Variants in SND1 observed in about 807,000 individuals in gnomAD.
The protein encoded by SND1 is staphylococcal nuclease and tudor domain containing 1.
A neutral mutation model predicts 121.7 loss-of-function variants in SND1; 38 were observed. That is an observed-to-expected ratio of 0.31 (90% CI 0.24 to 0.41). The LOEUF (loss-of-function observed/expected upper bound fraction) is 0.41, where lower values mean the gene tolerates loss of function less well. SND1 is among the 10% of genes least tolerant of loss of function. SND1 has a pLI of 1.00. For missense variants in SND1, 868 were observed against 1,184.6 expected (o/e 0.73, Z 3.92); for synonymous variants, 401 against 447.4 (o/e 0.90, Z 1.31).
intron 10 of SND1, among the ~76,000 whole-genome samples, chr7:127,737,059 A>G (rs1210172446): frequency 6.6e-6 from 1 of 151,812 alleles, no homozygotes; most frequent in Non-Finnish European, 1.5e-5. Flanking sequence ...AAGTAAGTGT[A>G]TGTAAAGCAA....
At chr7:128,022,399 G>A (rs1236695339) in intron 16 of SND1, among the ~76,000 whole-genome samples, 1 of 152,168 alleles carries the variant, frequency 6.6e-6, no homozygotes, top group East Asian at 1.9e-4. Flanking sequence ...CCTAGCTTGA[G>A]AGTAGCCTCT....
chr7:127,684,717 T>C (rs913217898), intron 1 of SND1, among the ~76,000 whole-genome samples: 1 of 152,164 alleles, frequency 6.6e-6, no homozygotes, highest in Non-Finnish European at 1.5e-5. Flanking sequence ...GTTTAATTGC[T>C]GATAACAGGA....
chr7:127,660,029 A>G (rs1024480404), intron 1 of SND1, among the ~76,000 whole-genome samples: 28 of 116,322 alleles, frequency 2.4e-4, no homozygotes, highest in African/African-American at 1.1e-3. Flanking sequence ...TTTTTTTCTA[A>G]TCTTTAGTTT....
chr7:128,078,914 G>T (rs1258526413), intron 17 of SND1, among the ~76,000 whole-genome samples: 1 of 152,222 alleles, frequency 6.6e-6, no homozygotes, highest in African/African-American at 2.4e-5. Context: ...GCAGGAAGAG[G>T]GAAGAGCACC....
intron 11 of SND1, among the ~76,000 whole-genome samples, chr7:127,840,520 T>C (rs896253848): frequency 3.9e-5 from 6 of 152,228 alleles, no homozygotes; most frequent in Non-Finnish European, 8.8e-5. Context: ...TCTATATTAA[T>C]CAGTTTCTTC....
At chr7:128,084,459 G>A (rs1490581571) in intron 18 of SND1, among the ~76,000 whole-genome samples, 1 of 152,248 alleles carries the variant, frequency 6.6e-6, no homozygotes, top group Non-Finnish European at 1.5e-5. Flanking sequence ...CCAGCAGACT[G>A]GAGAGCTGAG....
chr7:127,987,239 C>T (rs892317438), intron 15 of SND1, among the ~76,000 whole-genome samples: 2 of 152,240 alleles, frequency 1.3e-5, no homozygotes, highest in African/African-American at 4.8e-5. Flanking sequence ...TGAGCATCAG[C>T]AGCCTTGGGT....
intron 9 of SND1, among the ~76,000 whole-genome samples, chr7:127,712,740 T>C (rs1796318451): frequency 6.6e-6 from 1 of 152,202 alleles, no homozygotes; most frequent in African/African-American, 2.4e-5. Flanking sequence ...CATTATCTTC[T>C]TCCTTTTGGG....
intron 10 of SND1, among the ~76,000 whole-genome samples, chr7:127,804,890 T>C (rs1798204723): frequency 6.6e-6 from 1 of 152,030 alleles, no homozygotes; most frequent in Admixed American, 6.6e-5. Flanking sequence ...CCTCAGAAAA[T>C]AGAATGTCCA....
At chr7:128,022,252 C>T (rs982333786) in intron 16 of SND1, among the ~76,000 whole-genome samples, 37 of 132,998 alleles carry the variant, frequency 2.8e-4, no homozygotes, top group African/African-American at 9.8e-4. Flanking sequence ...ATGAAAGAAA[C>T]AAGTAGATCA....
Position 127,701,284 on chromosome 7 carries a change from A to T in SND1, c.550A>T (p.Arg184Trp). The change falls in exon 5 of 24, where the codon AGG becomes TGG. Residue 184 changes from arginine to tryptophan, a missense_variant. By Grantham distance (101) the Arg-to-Trp change is moderately radical (BLOSUM62 -3). This residue lies in a region of SND1 where 743 missense variants were observed against 1,071.3 expected (regional missense o/e 0.69). Coordinates refer to ENST00000354725, the MANE Select transcript of SND1 (RefSeq NM_014390.4). ...RDLKYTIENP[R>W]HFVDSHHQKP... Reference sequence around the variant, plus strand: ...TCTCAAGTATACCATTGAAAACCCAAGGCACTTTGTGGACTCACACCACCA... The same window carrying T: ...TCTCAAGTATACCATTGAAAACCCATGGCACTTTGTGGACTCACACCACCA... The T allele has an allele frequency of 6.2e-7, 1 of 1,614,074 alleles. No individual in the cohort carries two copies. Among genetic ancestry groups the T allele is most frequent in the Non-Finnish European group, 8.5e-7 (1 of 1,179,962 alleles).
At chr7:127,974,305 G>A (rs919601686) in intron 15 of SND1, among the ~76,000 whole-genome samples, 2 of 152,178 alleles carry the variant, frequency 1.3e-5, no homozygotes, top group Admixed American at 6.5e-5. Flanking sequence ...ATAAATGCCC[G>A]TTATCTCCAT....
At chr7:127,755,325 A>C (rs1012759640) in intron 10 of SND1, among the ~76,000 whole-genome samples, 1 of 152,214 alleles carries the variant, frequency 6.6e-6, no homozygotes, top group Non-Finnish European at 1.5e-5. Flanking sequence ...CATCTGATTA[A>C]AGCTGAAACG....
intron 1 of SND1, among the ~76,000 whole-genome samples, chr7:127,653,318 T>C (rs1466130399): frequency 6.6e-6 from 1 of 152,226 alleles, no homozygotes; most frequent in East Asian, 1.9e-4. Flanking sequence ...TTGCCCCCAG[T>C]TGTCCTCCCC....
intron 15 of SND1, among the ~76,000 whole-genome samples, chr7:127,931,109 A>G (rs1800948801): frequency 6.6e-6 from 1 of 152,178 alleles, no homozygotes; most frequent in Non-Finnish European, 1.5e-5. Context: ...TGCTCCACCC[A>G]TTGAATGATA....
At chr7:127,922,198 T>TGTTTTG (rs1204407502) in intron 14 of SND1, among the ~76,000 whole-genome samples, 1 of 126,872 alleles carries the variant, frequency 7.9e-6, no homozygotes. Context: ...TTTTTTTTTT[T>TGTTTTG]TTTTTGTTTT....
At chr7:127,907,230 A>G (rs1415989407) in intron 14 of SND1, among the ~76,000 whole-genome samples, 2 of 151,990 alleles carry the variant, frequency 1.3e-5, no homozygotes, top group Non-Finnish European at 2.9e-5. Flanking sequence ...GTCTTTTCCC[A>G]CCTTCTTCCC....
intron 11 of SND1, among the ~76,000 whole-genome samples, chr7:127,833,014 C>T (rs988790403): frequency 3.3e-5 from 5 of 152,176 alleles, no homozygotes; most frequent in Admixed American, 6.5e-5. Context: ...TTGTCTTCTA[C>T]AAAATCGGTC....
chr7:127,893,179 A>G (rs893226056), intron 13 of SND1, among the ~76,000 whole-genome samples: 3 of 151,956 alleles, frequency 2.0e-5, no homozygotes, highest in Non-Finnish European at 4.4e-5. Context: ...TATTTTATGT[A>G]TTTGGTGTAA....
Sources: gnomAD v4.1 joint callset for allele counts (sites outside exome capture counted in the v4.1 genomes callset) on GRCh38, gnomAD v4.1.1 for gene constraint, gnomAD v4.1.1 regional missense constraint, MANE v1.5 for transcripts, NCBI Gene and HGNC (gene_info 2026-07-23, HGNC 2026-07-21) for gene names.